RARB: variants seen among roughly 807,000 people sequenced by gnomAD.
RARB encodes retinoic acid receptor beta.
In RARB, 17 loss-of-function variants were observed where a neutral mutation model predicts 51.9. The ratio of observed to expected loss-of-function variants is 0.33; its 90% CI spans 0.22 to 0.49. The LOEUF is 0.49. Ranked by LOEUF, RARB falls within the 20% of genes least tolerant of loss-of-function variation. RARB has a pLI of 0.99. For synonymous variants in RARB, 215 were observed against 195.4 expected (o/e 1.10, Z -0.84); for missense variants, 369 against 550.8 (o/e 0.67, Z 3.30).
At position 25,040,855 on chromosome 3, in the gene RARB, G is replaced by A. The variant is rs950582832; in HGVS notation, c.-379-19270G>A. Among the ~76,000 whole-genome samples the A allele has an allele frequency of 3.7e-4, 56 of 152,142 alleles. 1 individual carries two copies. The highest frequency in any genetic ancestry group is 4.0e-4 in the Non-Finnish European group (27 of 68,018). ...CTAGATAGTCAAAATAGTCCTAGGA[G>A]GTGGATAGGCTGCCTGGTCTAAGGT... is the stretch of plus-strand genomic sequence containing the variant. On this transcript the variant is annotated intron_variant, in intron 2 of 11. Transcript: ENST00000383772.
intron 5 of RARB, among the ~76,000 whole-genome samples, chr3:25,304,988 C>T (rs1474489460): frequency 1.3e-5 from 2 of 152,106 alleles, no homozygotes; most frequent in African/African-American, 2.4e-5. Context: ...GGTTGCTGTA[C>T]CCTACAGGTG....
intron 2 of RARB, among the ~76,000 whole-genome samples, chr3:24,994,192 G>A (rs1280448954): frequency 8.5e-5 from 13 of 152,072 alleles, no homozygotes; most frequent in Admixed American, 8.5e-4. Flanking sequence ...TTTAATAATA[G>A]CCATTCTAAC....
At chr3:24,919,464 A>C (rs1695174395) in intron 2 of RARB, among the ~76,000 whole-genome samples, 1 of 151,278 alleles carries the variant, frequency 6.6e-6, no homozygotes, top group Non-Finnish European at 1.5e-5. Flanking sequence ...CCCTGTTCAA[A>C]TAAGGCAAAC....
At chr3:25,245,587 T>C (rs966983840) in intron 5 of RARB, among the ~76,000 whole-genome samples, 5 of 152,164 alleles carry the variant, frequency 3.3e-5, no homozygotes, top group African/African-American at 9.7e-5. Flanking sequence ...GATATGAAAT[T>C]CTGGATTGAA....
chr3:25,242,028 A>G (rs1575248704), intron 5 of RARB, among the ~76,000 whole-genome samples: 1 of 152,096 alleles, frequency 6.6e-6, no homozygotes, highest in African/African-American at 2.4e-5. Flanking sequence ...ATGGTATCTC[A>G]TTGTGGTTTT....
intron 3 of RARB, among the ~76,000 whole-genome samples, chr3:25,106,298 GAC>G (rs1699497956): frequency 2.4e-5 from 1 of 41,238 alleles, no homozygotes; most frequent in African/African-American, 1.0e-4. Context: ...TTTTTTTTGA[GAC>G]AGAGTCTCAC....
intron 3 of RARB, among the ~76,000 whole-genome samples, chr3:25,506,263 A>C (rs1233454613): frequency 5.3e-5 from 8 of 151,312 alleles, no homozygotes; most frequent in African/African-American, 1.7e-4. Flanking sequence ...AAAAAAAAAA[A>C]AAAAAAAAAA....
At chr3:25,421,461 G>C (rs1391834233) in intron 5 of RARB, among the ~76,000 whole-genome samples, 1 of 137,322 alleles carries the variant, frequency 7.3e-6, no homozygotes, top group East Asian at 2.1e-4. Flanking sequence ...GTCTAGGCTG[G>C]AGTGCAGTGG....
chr3:24,840,896 G>A (rs1282599698), intron 1 of RARB, among the ~76,000 whole-genome samples: 1 of 151,672 alleles, frequency 6.6e-6, no homozygotes, highest in Non-Finnish European at 1.5e-5. Flanking sequence ...AAAAACAAAA[G>A]AAACACACAC....
At chr3:25,161,301 C>T (rs1575188489) in intron 4 of RARB, among the ~76,000 whole-genome samples, 1 of 151,880 alleles carries the variant, frequency 6.6e-6, no homozygotes, top group African/African-American at 2.4e-5. Flanking sequence ...CCTGCCTCAG[C>T]CTCCCAAAGT....
At chr3:25,230,347 TCCC>T (rs949378134) in intron 5 of RARB, among the ~76,000 whole-genome samples, 5 of 152,054 alleles carry the variant, frequency 3.3e-5, no homozygotes, top group Non-Finnish European at 7.4e-5. Flanking sequence ...AGCTGTTCTT[TCCC>T]CCATTTCATG....
In RARB at chr3:24,844,181, A is replaced by G. The variant is rs147160228; in HGVS notation, c.-458-14493A>G. 1.5e-3 allele frequency among the ~76,000 whole-genome samples: 223 copies of G among 152,262 alleles called. 2 individuals are homozygous for G. The highest frequency in any genetic ancestry group is 4.9e-3 in the African/African-American group (205 of 41,554). ...TGCCAGGAGGCATTACCCTTGCCCAATGGGGAGGAGGGGTTTGCTCTCTGC... is the reference window on the plus strand; with the variant it reads ...TGCCAGGAGGCATTACCCTTGCCCAGTGGGGAGGAGGGGTTTGCTCTCTGC... On this transcript the variant is annotated intron_variant, in intron 1 of 11. Coordinates refer to the RARB transcript ENST00000383772.
intron 5 of RARB, among the ~76,000 whole-genome samples, chr3:25,253,378 CTTAACT>C (rs1386971346): frequency 3.9e-5 from 6 of 152,174 alleles, no homozygotes; most frequent in African/African-American, 1.4e-4. Flanking sequence ...ATCTACTTTA[CTTAACT>C]TTATTTTGAA....
rs576579688 is a variant in RARB at position 25,146,682 on chromosome 3, G to GT, written c.-280+14474_-280+14475insT. Among the ~76,000 whole-genome samples the GT allele has an allele frequency of 6.2e-4, 91 of 146,488 alleles. No homozygotes were observed. The South Asian group carries it at 0.02, about 32-fold the overall frequency. On this transcript the variant is annotated intron_variant, in intron 4 of 11. Transcript: ENST00000383772. The stretch of plus-strand genomic sequence containing the variant: ...ACCGCGCCCGGCTAATTTTTTGTGG[G>GT]GTTTTTTTTGTATTTTTTAGTAGAG...
chr3:24,874,692 CTTTT>C (rs1218646913), intron 2 of RARB, among the ~76,000 whole-genome samples: 1 of 150,950 alleles, frequency 6.6e-6, no homozygotes, highest in Non-Finnish European at 1.5e-5. Flanking sequence ...TAGCTTTTTT[CTTTT>C]TTTTCTGAGT....
At chr3:25,491,523 C>T (rs562874087) in intron 2 of RARB, among the ~76,000 whole-genome samples, 1 of 152,282 alleles carries the variant, frequency 6.6e-6, no homozygotes, top group Non-Finnish European at 1.5e-5. Context: ...CCAAGACTGC[C>T]ACGTCCTCAT....
intron 2 of RARB, among the ~76,000 whole-genome samples, chr3:24,942,173 A>G (rs949978617): frequency 1.8e-4 from 28 of 152,354 alleles, no homozygotes; most frequent in African/African-American, 6.5e-4. Context: ...ACCAGGTTTC[A>G]TGGTTCCTGG....
intron 3 of RARB, among the ~76,000 whole-genome samples, chr3:25,539,199 C>T (rs1210178131): frequency 1.3e-5 from 2 of 152,142 alleles, no homozygotes; most frequent in Admixed American, 6.5e-5. Context: ...TAAGGGAAAC[C>T]GCACAGCTAC....
intron 2 of RARB, among the ~76,000 whole-genome samples, chr3:24,961,516 A>G (rs1696138064): frequency 6.6e-6 from 1 of 152,114 alleles, no homozygotes; most frequent in Non-Finnish European, 1.5e-5. Flanking sequence ...AGATCAAGCA[A>G]TCCTCTACTA....
Sources: gnomAD v4.1 joint callset for allele counts (sites outside exome capture counted in the v4.1 genomes callset) on GRCh38, gnomAD v4.1.1 for gene constraint, MANE v1.5 for transcripts, NCBI Gene and HGNC (gene_info 2026-07-23, HGNC 2026-07-21) for gene names.